The following ADGRL3 variants were observed in gnomAD, a reference collection of about 807,000 sequenced individuals.
ADGRL3 encodes calcium-independent alpha-latrotoxin receptor 3.
In ADGRL3, 62 loss-of-function variants were observed where a neutral mutation model predicts 153.5. That is an observed-to-expected ratio of 0.40 (90% CI 0.33 to 0.50). ADGRL3 has a LOEUF of 0.50. Ranked by LOEUF, ADGRL3 falls within the 20% of genes least tolerant of loss-of-function variation. ADGRL3 has a pLI of 0.47. For missense variants in ADGRL3, 1,641 were observed against 1,859.4 expected, an observed-to-expected ratio of 0.88 and a Z score of 2.16; for synonymous variants, 710 against 672.5, an observed-to-expected ratio of 1.06 and a Z score of -0.86.
chr4:61,893,709 C>CTTTTTT (rs34248874), intron 10 of ADGRL3, among the ~76,000 whole-genome samples: 12 of 97,438 alleles, frequency 1.2e-4, no homozygotes, highest in African/African-American at 4.0e-4. Flanking sequence ...ATTTCTTTGC[C>CTTTTTT]TTTTTTTTTT....
chr4:61,600,307 C>CAAAAAAAAAAAAA (rs60557691), intron 5 of ADGRL3, among the ~76,000 whole-genome samples: 3 of 61,778 alleles, frequency 4.9e-5, no homozygotes, highest in African/African-American at 6.7e-5. Context: ...GGCTGCCTTG[C>CAAAAAAAAAAAAA]AAAAAAAAAA....
intron 1 of ADGRL3, among the ~76,000 whole-genome samples, chr4:61,227,641 T>C (rs1008966298): frequency 1.3e-5 from 2 of 152,204 alleles, no homozygotes; most frequent in African/African-American, 2.4e-5. Context: ...CCATGAAATA[T>C]AATGTTTTTC....
intron 4 of ADGRL3, among the ~76,000 whole-genome samples, chr4:61,565,536 C>CT (rs907210957): frequency 1.1e-3 from 155 of 144,866 alleles, no homozygotes; most frequent in Non-Finnish European, 1.3e-3. Flanking sequence ...TGGATTTGGG[C>CT]TTTTTTTTTT....
chr4:61,565,007 C>T (rs1360084134), intron 4 of ADGRL3, among the ~76,000 whole-genome samples: 8 of 152,076 alleles, frequency 5.3e-5, no homozygotes, highest in Admixed American at 2.0e-4. Context: ...GATCACCATA[C>T]AGATGTGATA....
intron 1 of ADGRL3, among the ~76,000 whole-genome samples, chr4:61,292,095 G>C (rs1280131523): frequency 1.3e-5 from 2 of 151,480 alleles, no homozygotes; most frequent in Non-Finnish European, 2.9e-5. Context: ...ATGGTATAAG[G>C]TTTGTAGGGT....
At chr4:61,887,664 G>A (rs1397772894) in intron 9 of ADGRL3, among the ~76,000 whole-genome samples, 1 of 152,050 alleles carries the variant, frequency 6.6e-6, no homozygotes, top group Admixed American at 6.5e-5. Flanking sequence ...GGTCAACATG[G>A]TGAAAACCTG....
rs867426851 is a variant in ADGRL3 at position 61,945,701 on chromosome 4, A to G, written c.2420-1213A>G. On this transcript the variant is annotated intron_variant, in intron 15 of 26. Transcript: ENST00000683033. ...TCGGGTGGGAGTGACCCGATTTTCC[A>G]GGTGCGTCCGTCACCCCTTTCTTTG... is the stretch of plus-strand genomic sequence containing the variant. 9.6e-4 allele frequency among the ~76,000 whole-genome samples: 144 copies of G among 150,128 alleles called. 1 individual carries two copies. The highest frequency in any genetic ancestry group is 3.4e-3 in the African/African-American group (139 of 40,838).
chr4:61,415,790 T>A (rs896133689), intron 2 of ADGRL3, among the ~76,000 whole-genome samples: 2 of 152,080 alleles, frequency 1.3e-5, no homozygotes, highest in East Asian at 1.9e-4. Context: ...GCATATATTG[T>A]CAGCTTTTTA....
chr4:61,780,716 T>G (rs2097204152), intron 8 of ADGRL3, among the ~76,000 whole-genome samples: 1 of 152,156 alleles, frequency 6.6e-6, no homozygotes. Context: ...GTGAGACCAA[T>G]CCCTCTTTCT....
At chr4:61,879,869 A>G (rs1394963415) in intron 9 of ADGRL3, among the ~76,000 whole-genome samples, 1 of 152,064 alleles carries the variant, frequency 6.6e-6, no homozygotes, top group East Asian at 1.9e-4. Flanking sequence ...ACAGACATGC[A>G]CCACCATGCC....
chr4:61,773,402 A>G (rs754593185), intron 8 of ADGRL3, among the ~76,000 whole-genome samples: 20 of 152,204 alleles, frequency 1.3e-4, no homozygotes, highest in Admixed American at 3.3e-4. Flanking sequence ...AGCTGCAATA[A>G]TAATGCAAAA....
At chr4:61,766,230 G>T (rs1283347442) in intron 8 of ADGRL3, among the ~76,000 whole-genome samples, 1 of 152,072 alleles carries the variant, frequency 6.6e-6, no homozygotes, top group Non-Finnish European at 1.5e-5. Context: ...ACAAAGAGTG[G>T]GGTATAGCTG....
intron 21 of ADGRL3, among the ~76,000 whole-genome samples, chr4:62,023,422 T>C (rs1017761141): frequency 2.0e-5 from 3 of 152,172 alleles, no homozygotes; most frequent in Non-Finnish European, 4.4e-5. Context: ...ACATATTTCG[T>C]TGAGAAAGCA....
intron 4 of ADGRL3, among the ~76,000 whole-genome samples, chr4:61,531,817 A>G (rs1213581795): frequency 6.6e-6 from 1 of 151,916 alleles, no homozygotes; most frequent in East Asian, 1.9e-4. Flanking sequence ...TGCCCTTAGT[A>G]ATTATTGAGA....
At chr4:61,247,988 G>A (rs372993370) in intron 1 of ADGRL3, among the ~76,000 whole-genome samples, 1 of 151,990 alleles carries the variant, frequency 6.6e-6, no homozygotes, top group Non-Finnish European at 1.5e-5. Flanking sequence ...ACCATTCAAA[G>A]AAAAATTAAT....
At chr4:61,795,925 C>T (rs1172153528) in intron 8 of ADGRL3, among the ~76,000 whole-genome samples, 1 of 152,150 alleles carries the variant, frequency 6.6e-6, no homozygotes, top group Non-Finnish European at 1.5e-5. Context: ...TCACTGCAAC[C>T]TCTGCCCACC....
intron 9 of ADGRL3, among the ~76,000 whole-genome samples, chr4:61,868,941 T>C (rs992861378): frequency 6.6e-6 from 1 of 152,154 alleles, no homozygotes; most frequent in Non-Finnish European, 1.5e-5. Flanking sequence ...GGTAATTTTT[T>C]TTTTCTTGAG....
rs2096461604 is a variant in ADGRL3, at chr4:61,732,714, TTAATA to T, written c.599-37_599-33del. On this transcript the variant is annotated intron_variant, in intron 7 of 26. Coordinates refer to ENST00000683033, the MANE Select transcript of ADGRL3 (RefSeq NM_001387552.1). ...TAAGACTATATAACAAAATATGAAATTAATATATTTATTTATTTTAACTGTTTCCC... is the reference window on the plus strand; with the variant it reads ...TAAGACTATATAACAAAATATGAAATTATTTATTTATTTTAACTGTTTCCC... 6 of 1,148,184 alleles carry T rather than the reference TTAATA, an allele frequency of 5.2e-6. 1 individual carries two copies. The highest frequency in any genetic ancestry group is 7.0e-6 in the Non-Finnish European group (6 of 854,482). The allele number at this position is 1,148,184 out of a possible 1,614,324, so 71.1% of individuals were successfully genotyped here. A position where few individuals can be genotyped will look rare whatever the true frequency, so the allele number is the denominator to read the frequency against.
At chr4:61,215,417 A>G (rs570075815) in intron 1 of ADGRL3, among the ~76,000 whole-genome samples, 4 of 152,308 alleles carry the variant, frequency 2.6e-5, no homozygotes, top group African/African-American at 7.2e-5. Flanking sequence ...AAAGGTACAG[A>G]AGGAATCTTG....
Sources: allele counts gnomAD v4.1 joint callset (sites outside exome capture counted in the v4.1 genomes callset), GRCh38; gene constraint gnomAD v4.1.1; transcripts MANE v1.5; gene names NCBI Gene and HGNC (gene_info 2026-07-23, HGNC 2026-07-21).